SUSD2: variants seen among roughly 807,000 people sequenced by gnomAD.
The protein encoded by SUSD2 is sushi domain-containing protein 2.
SUSD2 carries 86 observed loss-of-function variants against 93.8 expected under a neutral mutation model. That is an observed-to-expected ratio of 0.92 (90% CI 0.77 to 1.10). The LOEUF is 1.10. SUSD2 is among the 50% of genes least tolerant of loss of function. The probability of loss-of-function intolerance (pLI) is 0.00; values close to 1 mark genes in which losing one functional copy is unlikely to be tolerated. For missense variants in SUSD2, 1,060 were observed against 1,137.0 expected (o/e 0.93, Z 0.97); for synonymous variants, 483 against 485.0 (o/e 1.00, Z 0.05).
In SUSD2 at chr22:24,188,247, G is replaced by A. The variant is rs1301529703; in HGVS notation, c.2364G>A (p.Leu788=). ...CAGGACGCAGCTACGCGGTGCTGTT[G>A]GGCATCATCTTTGGGGGCCTCGCGG... ...CQPGRSYAVL[L]GIIFGGLAVV... The change falls in exon 14 of 15, where the codon TTG becomes TTA. Residue 788 remains leucine, a synonymous_variant. Coordinates refer to ENST00000358321, the MANE Select transcript of SUSD2 (RefSeq NM_019601.4). This position sits in a 1 kb window ranked among gnomAD's most constrained non-coding sequence, Gnocchi z 4.7. 1.9e-6 allele frequency: 3 copies of A among 1,603,376 alleles called. No homozygotes were observed. The highest frequency in any genetic ancestry group is 2.2e-5 in the South Asian group (2 of 90,014).
In SUSD2 at chr22:24,184,920, C is replaced by T. The variant is rs755131515; in HGVS notation, c.762C>T (p.Ser254=). Residue 254 remains serine, a synonymous_variant, in exon 5 of 15, where the codon AGC becomes AGT. Coordinates refer to ENST00000358321, the MANE Select transcript of SUSD2 (RefSeq NM_019601.4). ...WRVGALRIID[S]KNYAGQKDVQ... is the part of the protein sequence containing the mutation. Reference sequence around the variant, plus strand: ...TGGGTGCACTTCGGATCATCGACAGCAAAAATTACGCAGGGCAGAAGTAAG... The same window carrying T: ...TGGGTGCACTTCGGATCATCGACAGTAAAAATTACGCAGGGCAGAAGTAAG... 5.6e-6 allele frequency: 9 copies of T among 1,613,222 alleles called. No individual in the cohort carries two copies. In the South Asian group the frequency reaches 9.9e-5, roughly 18 times the overall value.
chr22:24,188,851 CCT>C lies in SUSD2; in HGVS notation c.*416_*417del, dbSNP rs1746055243. ...GAGCCTGATGCCGGGGCCCCTGACCCCTGATCTACGGAGGCCTGCTCCCGGAC... is the reference window on the plus strand; with the variant it reads ...GAGCCTGATGCCGGGGCCCCTGACCCGATCTACGGAGGCCTGCTCCCGGAC... On this transcript the variant is annotated 3_prime_UTR_variant, in exon 15 of 15. Transcript: ENST00000358321. The surrounding 1 kb of genome is among the most constrained non-coding windows in gnomAD (Gnocchi z 4.7). 5.3e-6 allele frequency: 1 copy of C among 188,696 alleles called. No individual in the cohort carries two copies. Among genetic ancestry groups the C allele is most frequent in the Admixed American group, 5.5e-5 (1 of 18,214 alleles). 11.7% of individuals were successfully genotyped at this position (188,696 alleles called of 1,614,324 possible).
At chr22:24,185,061 G>T in intron 5 of SUSD2, 33 bp from the exon 6 acceptor site, 1 of 1,611,776 alleles carries the variant, frequency 6.2e-7, no homozygotes, top group Non-Finnish European at 8.5e-7. Flanking sequence ...GGTGGTGTGG[G>T]CTGGCCCAGC....
rs778988311 is a variant in SUSD2, at chr22:24,184,785, G to T, written c.627G>T (p.Glu209Asp). ...YEETGMPYSQ[E>D]WTAKWSYLYP... ...CCTCAGGAATGCCCTACTCACAGGA[G>T]TGGACTGCAAAGTGGTCGTACCTGT... is the stretch of plus-strand genomic sequence containing the variant. Residue 209 changes from glutamate (E) to aspartate (D), a missense_variant, in exon 5 of 15, where the codon GAG becomes GAT. Physicochemically the swap from Glu to Asp is conservative, Grantham distance 45. Around this residue, in one of 2 missense-constraint regions of SUSD2, gnomAD observed 973 missense variants for 1,005.3 expected, o/e 0.97. Coordinates refer to ENST00000358321, the MANE Select transcript of SUSD2 (RefSeq NM_019601.4). 6 of 1,605,596 alleles carry T rather than the reference G, an allele frequency of 3.7e-6. No homozygotes were observed. Among genetic ancestry groups the T allele is most frequent in the Non-Finnish European group, 5.1e-6 (6 of 1,175,834 alleles).
Position 24,185,488 on chromosome 22 carries a change from G to T in SUSD2, c.987G>T (p.Thr329=), listed in dbSNP as rs557660232. 2.2e-5 allele frequency: 35 copies of T among 1,561,804 alleles called. No homozygotes were observed. The African/African-American group carries it at 2.6e-4, about 12-fold the overall frequency. Residue 329 remains threonine (T), a splice_region_variant and synonymous_variant, in exon 7 of 15, where the codon ACG becomes ACT. Transcript: ENST00000358321. ...GACAGCCACCTGCTGCTCTGCAGAC[G>T]GACTACGGCTGTGACATGGAGCAGG... is the stretch of plus-strand genomic sequence containing the variant. ...QARADSGRFF[T]DYGCDMEQGS... is the part of the protein sequence containing the mutation.
chr22:24,183,968 T>C, intron 3 of SUSD2, 168 bp from the exon 4 acceptor site: 2 of 708,992 alleles, frequency 2.8e-6, no homozygotes, highest in Admixed American at 5.5e-5. Flanking sequence ...GGCAGGCCCC[T>C]GCCTCTGCGG....
Position 24,183,611 on chromosome 22 carries a change from G to A in SUSD2, c.404G>A (p.Gly135Asp), listed in dbSNP as rs1378200438. The A allele has an allele frequency of 1.9e-6, 3 of 1,612,870 alleles. No individual in the cohort carries two copies. The highest frequency in any genetic ancestry group is 2.5e-6 in the Non-Finnish European group (3 of 1,179,980). The change falls in exon 3 of 15, where the codon GGC becomes GAC. Residue 135 changes from glycine (G) to aspartate (D), a missense_variant. Gly to Asp is a moderately conservative substitution (Grantham distance 94). Coordinates refer to ENST00000358321, the MANE Select transcript of SUSD2 (RefSeq NM_019601.4). ...CCCTTCACTGTGTCACTGGACAACGGCCACTCCTTCCCTCGTGCGGGCACC... is the reference window on the plus strand; with the variant it reads ...CCCTTCACTGTGTCACTGGACAACGACCACTCCTTCCCTCGTGCGGGCACC... ...RIPFTVSLDN[G>D]HSFPRAGTWL...
intron 1 of SUSD2, among the ~76,000 whole-genome samples, chr22:24,182,413 A>AATGT (rs764993629): frequency 3.9e-5 from 6 of 151,980 alleles, no homozygotes; most frequent in Non-Finnish European, 8.8e-5. Context: ...CCCTGCTTGA[A>AATGT]ATGTCCCTCC....
rs1316392468 is a variant in SUSD2 at position 24,185,494 on chromosome 22, C to T, written c.993C>T (p.Tyr331=). The change falls in exon 7 of 15, where the codon TAC becomes TAT. Residue 331 remains tyrosine, a synonymous_variant. Coordinates refer to ENST00000358321, the MANE Select transcript of SUSD2 (RefSeq NM_019601.4). ...RADSGRFFTD[Y]GCDMEQGSVC... is the part of the protein sequence containing the mutation. ...CACCTGCTGCTCTGCAGACGGACTA[C>T]GGCTGTGACATGGAGCAGGGCAGCG... is the stretch of plus-strand genomic sequence containing the variant. 16 of 1,564,446 alleles carry T rather than the reference C, an allele frequency of 1.0e-5. No individual in the cohort carries two copies. The highest frequency in any genetic ancestry group is 2.4e-5 in the East Asian group (1 of 42,052).
intron 10 of SUSD2, chr22:24,186,744 G>T: frequency 2.3e-6 from 1 of 430,784 alleles, no homozygotes; most frequent in East Asian, 4.3e-5. Flanking sequence ...AAAAGCCACT[G>T]CAAGGTCTCC....
rs752092675 is a variant in SUSD2, at chr22:24,186,051, G to A, written c.1375G>A (p.Asp459Asn). Residue 459 changes from aspartate (D) to asparagine (N), a missense_variant, in exon 9 of 15, where the codon GAC becomes AAC. By Grantham distance (23) the Asp-to-Asn change is conservative (BLOSUM62 1). Around this residue, in one of 2 missense-constraint regions of SUSD2, gnomAD observed 973 missense variants for 1,005.3 expected, o/e 0.97. Coordinates refer to ENST00000358321, the MANE Select transcript of SUSD2 (RefSeq NM_019601.4). ...AFGDPHFVTF[D>N]GTNFTFNGRG... Reference sequence around the variant, plus strand: ...CGGAGACCCACACTTTGTGACCTTCGACGGCACCAACTTCACATTCAATGG... The same window carrying A: ...CGGAGACCCACACTTTGTGACCTTCAACGGCACCAACTTCACATTCAATGG... 14 of 1,612,132 alleles carry A rather than the reference G, an allele frequency of 8.7e-6. No homozygotes were observed. The highest frequency in any genetic ancestry group is 2.7e-5 in the African/African-American group (2 of 74,934).
In SUSD2 at chr22:24,185,286, C is replaced by T. The variant is rs1344477066; in HGVS notation, c.975C>T (p.Gly325=). ...TGACCCAGGCCCGGGCTGACTCCGG[C>T]CGCTTCTTCGTGAGCCTCCCATCAG... ...CTLTQARADS[G]RFFTDYGCDM... is the part of the protein sequence containing the mutation. The change falls in exon 6 of 15, where the codon GGC becomes GGT. Residue 325 remains glycine, a synonymous_variant. Coordinates refer to ENST00000358321, the MANE Select transcript of SUSD2 (RefSeq NM_019601.4). 4 of 1,603,616 alleles carry T rather than the reference C, an allele frequency of 2.5e-6. No individual in the cohort carries two copies. Among genetic ancestry groups the T allele is most frequent in the Non-Finnish European group, 3.4e-6 (4 of 1,179,614 alleles).
chr22:24,184,872 T>C lies in SUSD2; in HGVS notation c.714T>C (p.Pro238=). The C allele has an allele frequency of 6.2e-7, 1 of 1,614,020 alleles. No individual in the cohort carries two copies. The highest frequency in any genetic ancestry group is 8.5e-7 in the Non-Finnish European group (1 of 1,179,996). The stretch of plus-strand genomic sequence containing the variant: ...TCACTTTCACCCCAAAACCTGCTCC[T>C]CCCAGCTACCAGAGATGGCGAGTGG... The part of the protein sequence containing the change: ...GSFTFTPKPA[P]PSYQRWRVGA... The change falls in exon 5 of 15, where the codon CCT becomes CCC. Residue 238 remains proline (P), a synonymous_variant. Transcript: ENST00000358321.
Position 24,186,165 on chromosome 22 carries a change from G to C in SUSD2, c.1483+6G>C. 1 of 1,608,956 alleles carries C rather than the reference G, an allele frequency of 6.2e-7. No individual in the cohort carries two copies. ...GCCCGGGACGATGTCCAACGGTGAG[G>C]CCAGGGCTAGGGGCTGCTCTGGTTG... is the stretch of plus-strand genomic sequence containing the variant. On this transcript the variant is annotated splice_donor_region_variant and intron_variant, in intron 9 of 14. Coordinates refer to ENST00000358321, the MANE Select transcript of SUSD2 (RefSeq NM_019601.4).
chr22:24,185,415 G>T (rs954297521), intron 6 of SUSD2, 71 bp from the exon 7 acceptor site: 2 of 1,537,748 alleles, frequency 1.3e-6, no homozygotes, highest in Non-Finnish European at 1.8e-6. Flanking sequence ...CAGGACCCCT[G>T]CAGGGTTGGC....
intron 10 of SUSD2, 200 bp from the exon 11 acceptor site, chr22:24,187,002 G>T: frequency 3.1e-6 from 2 of 642,852 alleles, no homozygotes; most frequent in Non-Finnish European, 5.3e-6. Context: ...TGCACCTCAG[G>T]TGCCGCTGGG....
rs552406573 is a variant in SUSD2, at chr22:24,183,825, C to T, written c.439+179C>T. The T allele has an allele frequency of 6.8e-5, 51 of 751,658 alleles. 1 individual carries two copies. Among genetic ancestry groups the T allele is most frequent in the Non-Finnish European group, 9.5e-5 (45 of 472,158 alleles). The allele number at this position is 751,658 out of a possible 1,614,324, so 46.6% of individuals were successfully genotyped here. A position where few individuals can be genotyped will look rare whatever the true frequency, so the allele number is the denominator to read the frequency against. On this transcript the variant is annotated intron_variant, in intron 3 of 14. Transcript: ENST00000358321. ...TTTCCACTCCCTGGCATCCAGACCG[C>T]GGTCCCAGCCCAGAGTGAGTGGGAG...
At chr22:24,181,671 TGG>T in intron 1 of SUSD2, 76 bp downstream of exon 1, 1 of 1,183,830 alleles carries the variant, frequency 8.4e-7, no homozygotes. Flanking sequence ...GACATCCCTC[TGG>T]GCTCAGCCTC....
At position 24,184,778 on chromosome 22, in the gene SUSD2, C is replaced by G. The variant is rs2047349250; in HGVS notation, c.620C>G (p.Ser207Ter). 6.3e-7 allele frequency: 1 copy of G among 1,599,606 alleles called. No homozygotes were observed. The highest frequency in any genetic ancestry group is 1.7e-5 in the Admixed American group (1 of 57,598). ...WGYEETGMPYSQEWTAKWSYL... is the reference protein window; with the variant it reads ...WGYEETGMPY ...TCCTCTCCCTCAGGAATGCCCTACTCACAGGAGTGGACTGCAAAGTGGTCG... is the reference window on the plus strand; with the variant it reads ...TCCTCTCCCTCAGGAATGCCCTACTGACAGGAGTGGACTGCAAAGTGGTCG... The change falls in exon 5 of 15, where the codon TCA (serine) becomes TGA (stop). Residue 207 changes from serine (S) to a stop codon, truncating the protein, a stop_gained. Transcript: ENST00000358321. LOFTEE classifies it high-confidence loss of function.
Sources: gnomAD v4.1 joint callset for allele counts (sites outside exome capture counted in the v4.1 genomes callset) on GRCh38, gnomAD v4.1.1 for gene constraint, gnomAD v4.1.1 regional missense constraint, Gnocchi (gnomAD v3.1) non-coding constraint, MANE v1.5 for transcripts, NCBI Gene and HGNC (gene_info 2026-07-23, HGNC 2026-07-21) for gene names.